Variants in KCTD16 observed in about 807,000 individuals in gnomAD.
KCTD16 encodes potassium channel tetramerization domain containing 16.
A neutral mutation model predicts 33.2 loss-of-function variants in KCTD16; 13 were observed. The ratio of observed to expected loss-of-function variants is 0.39; its 90% CI spans 0.25 to 0.62. KCTD16 has a LOEUF of 0.62. Ranked by LOEUF, KCTD16 falls within the 20% of genes least tolerant of loss-of-function variation. The pLI is 0.50. For missense variants in KCTD16, 441 were observed against 525.1 expected (o/e 0.84, Z 1.57); for synonymous variants, 197 against 195.3 (o/e 1.01, Z -0.07).
At chr5:144,266,827 G>GA (rs1334507509) in intron 3 of KCTD16, among the ~76,000 whole-genome samples, 2 of 151,988 alleles carry the variant, frequency 1.3e-5, no homozygotes, top group Admixed American at 6.6e-5. Context: ...TCATCTCTGG[G>GA]AAAAAATTCA....
At chr5:144,365,483 A>G (rs1751813047) in intron 3 of KCTD16, among the ~76,000 whole-genome samples, 1 of 152,192 alleles carries the variant, frequency 6.6e-6, no homozygotes, top group African/African-American at 2.4e-5. Context: ...TGTTGCTTGA[A>G]CATTTTTTCT....
chr5:144,231,019 T>C (rs1580807091), intron 3 of KCTD16, among the ~76,000 whole-genome samples: 1 of 152,166 alleles, frequency 6.6e-6, no homozygotes, highest in Non-Finnish European at 1.5e-5. Flanking sequence ...AGAGAGCAGA[T>C]GGTGAAGGGC....
intron 3 of KCTD16, among the ~76,000 whole-genome samples, chr5:144,468,360 A>G (rs1482221149): frequency 1.3e-5 from 2 of 152,164 alleles, no homozygotes; most frequent in Non-Finnish European, 2.9e-5. Context: ...GTAACTGGTG[A>G]GGTGCCTGTG....
intron 3 of KCTD16, among the ~76,000 whole-genome samples, chr5:144,218,277 G>A (rs1174508177): frequency 6.6e-6 from 1 of 150,778 alleles, no homozygotes; most frequent in Non-Finnish European, 1.5e-5. Context: ...TGAAGATAGT[G>A]AGATAGCTCC....
intron 3 of KCTD16, among the ~76,000 whole-genome samples, chr5:144,397,499 A>G (rs1230261157): frequency 6.6e-6 from 1 of 152,196 alleles, no homozygotes; most frequent in Middle Eastern, 3.2e-3. Context: ...GAATTGCCAC[A>G]CTGTCTTCCA....
intron 3 of KCTD16, among the ~76,000 whole-genome samples, chr5:144,221,273 T>A (rs943361985): frequency 1.3e-5 from 2 of 152,086 alleles, no homozygotes; most frequent in Non-Finnish European, 2.9e-5. Flanking sequence ...TGCTTTAGTA[T>A]TATTATTATT....
intron 3 of KCTD16, among the ~76,000 whole-genome samples, chr5:144,316,036 CAATT>C (rs992617850): frequency 3.6e-4 from 53 of 148,902 alleles, no homozygotes; most frequent in African/African-American, 1.3e-3. Context: ...TTTTCTAAAA[CAATT>C]AATTTCGTTT....
At chr5:144,253,310 G>A (rs1243089219) in intron 3 of KCTD16, among the ~76,000 whole-genome samples, 1 of 152,004 alleles carries the variant, frequency 6.6e-6, no homozygotes, top group Non-Finnish European at 1.5e-5. Context: ...TGGAATCTGG[G>A]CTTCCATAAA....
intron 3 of KCTD16, among the ~76,000 whole-genome samples, chr5:144,260,186 G>A (rs566803093): frequency 9.8e-5 from 15 of 152,322 alleles, no homozygotes; most frequent in Admixed American, 3.3e-4. Flanking sequence ...AAGTAAGACT[G>A]TTTGTGGAAA....
Position 144,482,360 on chromosome 5 carries a change from G to C in KCTD16, c.*8246G>C, listed in dbSNP as rs1015781332. On this transcript the variant is annotated 3_prime_UTR_variant, in exon 4 of 4. Coordinates refer to ENST00000512467, the MANE Select transcript of KCTD16 (RefSeq NM_020768.4). ...TATCTGGTGAGTACTGATACCCTAAGAAACTCACCGTGATAAGCTAGCTTC... is the reference window on the plus strand; with the variant it reads ...TATCTGGTGAGTACTGATACCCTAACAAACTCACCGTGATAAGCTAGCTTC... 6.6e-6 allele frequency: 1 copy of C among 151,934 alleles called. No individual in the cohort carries two copies. Among genetic ancestry groups the C allele is most frequent in the Non-Finnish European group, 1.5e-5 (1 of 67,932 alleles). The allele number at this position is 151,934 out of a possible 1,614,324, so 9.4% of individuals were successfully genotyped here.
At chr5:144,444,314 T>C (rs1249336155) in intron 3 of KCTD16, among the ~76,000 whole-genome samples, 1 of 151,970 alleles carries the variant, frequency 6.6e-6, no homozygotes, top group East Asian at 1.9e-4. Context: ...TACAGTTGGG[T>C]TCCTTTCTTC....
At chr5:144,451,533 T>C (rs1436401291) in intron 3 of KCTD16, among the ~76,000 whole-genome samples, 3 of 152,142 alleles carry the variant, frequency 2.0e-5, no homozygotes, top group African/African-American at 7.2e-5. Flanking sequence ...GAAGCAAAAG[T>C]CTCACTTTTT....
At chr5:144,394,495 C>A (rs996703673) in intron 3 of KCTD16, among the ~76,000 whole-genome samples, 4 of 152,276 alleles carry the variant, frequency 2.6e-5, no homozygotes, top group African/African-American at 9.6e-5. Flanking sequence ...TGACTAATGA[C>A]CCATATGAAC....
intron 3 of KCTD16, among the ~76,000 whole-genome samples, chr5:144,447,379 G>A (rs188630564): frequency 6.6e-6 from 1 of 152,190 alleles, no homozygotes; most frequent in Non-Finnish European, 1.5e-5. Context: ...GGCACAGGGA[G>A]CGGAACATCA....
intron 3 of KCTD16, among the ~76,000 whole-genome samples, chr5:144,437,850 G>A (rs941333161): frequency 5.3e-5 from 8 of 152,308 alleles, no homozygotes; most frequent in Non-Finnish European, 1.0e-4. Flanking sequence ...AGAGAAGGCA[G>A]ACTTTGCTGG....
intron 3 of KCTD16, among the ~76,000 whole-genome samples, chr5:144,314,885 A>G (rs1416348638): frequency 1.3e-5 from 2 of 152,118 alleles, no homozygotes; most frequent in Non-Finnish European, 2.9e-5. Flanking sequence ...ATCTTTGCCT[A>G]TATTTACTCC....
chr5:144,238,281 A>C (rs1033514660), intron 3 of KCTD16, among the ~76,000 whole-genome samples: 3 of 152,124 alleles, frequency 2.0e-5, no homozygotes, highest in African/African-American at 7.2e-5. Context: ...GATTCAAGAA[A>C]GAAAATATTT....
At chr5:144,335,541 GAC>G (rs71576197) in intron 3 of KCTD16, among the ~76,000 whole-genome samples, 2 of 151,732 alleles carry the variant, frequency 1.3e-5, no homozygotes, top group South Asian at 2.1e-4. Context: ...TCTAGTGAAA[GAC>G]ACACACACAC....
intron 2 of KCTD16, among the ~76,000 whole-genome samples, chr5:144,185,726 G>A (rs1340853581): frequency 2.0e-5 from 3 of 151,730 alleles, no homozygotes; most frequent in South Asian, 2.1e-4. Flanking sequence ...TTTGCATTAG[G>A]AATAAATACA....
Sources: gnomAD v4.1 joint callset for allele counts (sites outside exome capture counted in the v4.1 genomes callset) on GRCh38, gnomAD v4.1.1 for gene constraint, MANE v1.5 for transcripts, NCBI Gene and HGNC (gene_info 2026-07-23, HGNC 2026-07-21) for gene names.